Variants in C12orf76 observed in about 807,000 individuals in gnomAD.
C12orf76 encodes uncharacterized protein C12orf76.
In C12orf76, 6 loss-of-function variants were observed where a neutral mutation model predicts 6.8. That is an observed-to-expected ratio of 0.88 (90% CI 0.48 to 1.73). The LOEUF is 1.73. Ranked by LOEUF, C12orf76 falls within the 40% of genes most tolerant of loss-of-function variation. The probability of loss-of-function intolerance (pLI) is 0.01; values close to 1 mark genes in which losing one functional copy is unlikely to be tolerated. For missense variants in C12orf76, 99 were observed against 98.2 expected (o/e 1.01, Z -0.03); for synonymous variants, 56 against 43.7 (o/e 1.28, Z -1.11).
upstream of C12orf76, among the ~76,000 whole-genome samples, chr12:110,069,784 A>T (rs956300634): frequency 1.3e-5 from 2 of 152,356 alleles, no homozygotes; most frequent in South Asian, 4.1e-4. Flanking sequence ...CAGTTGCTGA[A>T]TAATTGTACT....
rs1370089311 is a variant in C12orf76, at chr12:110,054,624, T to C, written n.664+2565A>G. Among the ~76,000 whole-genome samples, 1 of 152,210 alleles carries C rather than the reference T, an allele frequency of 6.6e-6. No homozygotes were observed. The highest frequency in any genetic ancestry group is 1.5e-5 in the Non-Finnish European group (1 of 68,028). ...GTGATGAAAATGATCTGGAACTAGATGTGGTGGTTGCACACCTCTCTGAAA... is the reference window on the plus strand; with the variant it reads ...GTGATGAAAATGATCTGGAACTAGACGTGGTGGTTGCACACCTCTCTGAAA... On this transcript the variant is annotated intron_variant and non_coding_transcript_variant, in intron 4 of 4. Transcript: ENST00000309050. This position sits in a 1 kb window ranked among gnomAD's most constrained non-coding sequence, Gnocchi z 4.4.
intron 2 of C12orf76, among the ~76,000 whole-genome samples, chr12:110,063,060 C>T (rs957423372): frequency 2.6e-5 from 4 of 151,790 alleles, no homozygotes; most frequent in Middle Eastern, 3.4e-3. Context: ...CTGCCTCAGG[C>T]GCCTGAGTAG....
In C12orf76 at chr12:110,041,469, G is replaced by A. The variant is rs919859573; in HGVS notation, c.*905C>T. The stretch of plus-strand genomic sequence containing the variant: ...GAGGAAAAAATCCAGTTCACCAACA[G>A]TGGAAACTAATAGCAGCATTTTCAA... On this transcript the variant is annotated 3_prime_UTR_variant, in exon 2 of 2. Coordinates refer to ENST00000615315, the MANE Select transcript of C12orf76 (RefSeq NM_001389625.1). 1 of 152,562 alleles carries A rather than the reference G, an allele frequency of 6.6e-6. No individual in the cohort carries two copies. Among genetic ancestry groups the A allele is most frequent in the African/African-American group, 2.4e-5 (1 of 41,454 alleles). 9.5% of individuals were successfully genotyped at this position (152,562 alleles called of 1,614,324 possible). A position where few individuals can be genotyped will look rare whatever the true frequency, so the allele number is the denominator to read the frequency against.
At position 110,065,253 on chromosome 12, in the gene C12orf76, C is replaced by T. The variant is rs1023697288; in HGVS notation, n.380+607G>A. Among the ~76,000 whole-genome samples, 19 of 151,892 alleles carry T rather than the reference C, an allele frequency of 1.3e-4. No homozygotes were observed. The South Asian group carries it at 3.1e-3, about 25-fold the overall frequency. Reference sequence around the variant, plus strand: ...TGGTGCAATCTCGGCTCGCTGCAACCTCCGCCTCCTGGATTCAAGCAATTT... The same window carrying T: ...TGGTGCAATCTCGGCTCGCTGCAACTTCCGCCTCCTGGATTCAAGCAATTT... On this transcript the variant is annotated intron_variant and non_coding_transcript_variant, in intron 2 of 4. Coordinates refer to the C12orf76 transcript ENST00000309050.
upstream of C12orf76, among the ~76,000 whole-genome samples, chr12:110,072,208 C>A (rs1233889310): frequency 6.6e-6 from 1 of 151,090 alleles, no homozygotes; most frequent in Non-Finnish European, 1.5e-5. Context: ...GGGAGGATTG[C>A]ATGAGTGCTG....
At chr12:110,051,753 C>A (rs1247754821), upstream of C12orf76, among the ~76,000 whole-genome samples, 1 of 151,734 alleles carries the variant, frequency 6.6e-6, no homozygotes, top group Non-Finnish European at 1.5e-5. Context: ...CATTGCCTAA[C>A]ATGGACCCTC....
chr12:110,063,806 C>G (rs934908231), intron 2 of C12orf76, among the ~76,000 whole-genome samples: 4 of 151,744 alleles, frequency 2.6e-5, no homozygotes, highest in South Asian at 2.1e-4. Flanking sequence ...ACTTGGGAGG[C>G]TGAGACAGGA....
At chr12:110,072,237 G>A (rs1436315573), upstream of C12orf76, among the ~76,000 whole-genome samples, 10 of 151,322 alleles carry the variant, frequency 6.6e-5, no homozygotes, top group African/African-American at 2.4e-4. Context: ...GACCAACCTG[G>A]GCAACATAGT....
Position 110,048,419 on chromosome 12 carries a change from G to C in C12orf76, c.77C>G (p.Pro26Arg). 6.6e-7 allele frequency: 1 copy of C among 1,515,180 alleles called. No individual in the cohort carries two copies. The highest frequency in any genetic ancestry group is 8.8e-7 in the Non-Finnish European group (1 of 1,136,648). 93.9% of individuals were successfully genotyped at this position (1,515,180 alleles called of 1,614,324 possible). ...CCGGCTCCGCTCCAGCGGATCCACG[G>C]GGCTCGGGGCCTCTGCCTCCCCCAC... ...LLVGEAEAPS[P>R]VDPLERSRPY... Residue 26 changes from proline to arginine, a missense_variant, in exon 1 of 2, where the codon CCC becomes CGC. Transcript: ENST00000615315.
chr12:110,052,931 A>G (rs114985977), upstream of C12orf76, among the ~76,000 whole-genome samples: 1,478 of 152,254 alleles, frequency 9.7e-3, 26 homozygotes, highest in African/African-American at 0.033. Flanking sequence ...GGCTGGGCGC[A>G]GTGGCTCACG....
rs1892317907 is a variant in C12orf76, at chr12:110,041,786, C to G, written c.*588G>C. ...GCCAAAGGTGCATATAGTAACAGGT[C>G]TACCTGATGTGACCCTGACTTCAGG... On this transcript the variant is annotated 3_prime_UTR_variant, in exon 2 of 2. Transcript: ENST00000615315. 6.4e-6 allele frequency: 1 copy of G among 155,560 alleles called. No individual in the cohort carries two copies. The highest frequency in any genetic ancestry group is 1.4e-5 in the Non-Finnish European group (1 of 70,108). The allele number at this position is 155,560 out of a possible 1,614,324, so 9.6% of individuals were successfully genotyped here. A position where few individuals can be genotyped will look rare whatever the true frequency, so the allele number is the denominator to read the frequency against.
chr12:110,043,139 C>T (rs1016820200), intron 1 of C12orf76, among the ~76,000 whole-genome samples: 4 of 151,838 alleles, frequency 2.6e-5, no homozygotes, highest in East Asian at 3.9e-4. Context: ...TGCAGGCCCA[C>T]AGATCAGCTA....
chr12:110,042,562 A>G (rs1892342436), intron 1 of C12orf76, 103 bp from the exon 2 acceptor site: 2 of 761,216 alleles, frequency 2.6e-6, no homozygotes, highest in Admixed American at 2.0e-5. Flanking sequence ...GCCAGGCACT[A>G]TGTCAAGTGC....
chr12:110,053,919 A>C (rs1472831016), upstream of C12orf76, among the ~76,000 whole-genome samples: 1 of 152,090 alleles, frequency 6.6e-6, no homozygotes, highest in Non-Finnish European at 1.5e-5. Flanking sequence ...CCCTGTCTTG[A>C]CGAAAAATAC....
At chr12:110,044,024 A>T (rs1038819842) in intron 1 of C12orf76, 44 of 145,846 alleles carry the variant, frequency 3.0e-4, no homozygotes, top group East Asian at 2.5e-3. Context: ...TAACAAAAAA[A>T]AAAAAATAAA....
chr12:110,058,065 CAAAAAAAAAAAAAAAA>C (rs59838926), intron 3 of C12orf76, among the ~76,000 whole-genome samples: 3 of 52,670 alleles, frequency 5.7e-5, no homozygotes. Context: ...GACTCGGTCT[CAAAAAAAAAAAAAAAA>C]AAAAAAAAAG....
Position 110,048,344 on chromosome 12 carries a change from C to T in C12orf76, c.133+19G>A. 6.7e-7 allele frequency: 1 copy of T among 1,487,146 alleles called. No individual in the cohort carries two copies. Among genetic ancestry groups the T allele is most frequent in the South Asian group, 1.3e-5 (1 of 79,824 alleles). 92.1% of individuals were successfully genotyped at this position (1,487,146 alleles called of 1,614,324 possible). On this transcript the variant is annotated intron_variant, in intron 1 of 1. Transcript: ENST00000615315. Reference sequence around the variant, plus strand: ...AGCTCAGGCACTACCCGCCGCCCGCCAGCCCGAGGGCCGCTCACCCAGGTT... The same window carrying T: ...AGCTCAGGCACTACCCGCCGCCCGCTAGCCCGAGGGCCGCTCACCCAGGTT...
chr12:110,071,483 A>G (rs939307889), upstream of C12orf76, among the ~76,000 whole-genome samples: 4 of 152,184 alleles, frequency 2.6e-5, no homozygotes, highest in African/African-American at 9.7e-5. Flanking sequence ...TTCTATGTCA[A>G]TCATCATGAT....
chr12:110,065,863 G>C, exon 2 of C12orf76: 1 of 1,614,080 alleles, frequency 6.2e-7, no homozygotes, highest in Non-Finnish European at 8.5e-7. Context: ...CTCTTACCAG[G>C]TTCTGGAACA....
Sources: allele counts gnomAD v4.1 joint callset (sites outside exome capture counted in the v4.1 genomes callset), GRCh38; gene constraint gnomAD v4.1.1; non-coding constraint Gnocchi (gnomAD v3.1); transcripts MANE v1.5; gene names NCBI Gene and HGNC (gene_info 2026-07-23, HGNC 2026-07-21).